Variants in LRRFIP2 observed in about 807,000 individuals in gnomAD.
LRRFIP2 encodes the protein leucine-rich repeat flightless-interacting protein 2.
Under a neutral mutation model 125.9 loss-of-function variants are expected in LRRFIP2, and 109 were observed. That is an observed-to-expected ratio of 0.87 (90% CI 0.74 to 1.01). The LOEUF is 1.01. Among genes scored for constraint, LRRFIP2 ranks in the 50% least tolerant of loss-of-function variants. The probability of loss-of-function intolerance (pLI) is 0.00; values close to 1 mark genes in which losing one functional copy is unlikely to be tolerated. For missense variants in LRRFIP2, 850 were observed against 862.3 expected, an observed-to-expected ratio of 0.99 and a Z score of 0.18; for synonymous variants, 291 against 293.1, an observed-to-expected ratio of 0.99 and a Z score of 0.07.
chr3:37,150,612 T>G (rs557417603), intron 1 of LRRFIP2, among the ~76,000 whole-genome samples: 1 of 152,302 alleles, frequency 6.6e-6, no homozygotes, highest in Admixed American at 6.5e-5. Flanking sequence ...GTATTTGAGA[T>G]TAAAGATTAC....
intron 1 of LRRFIP2, among the ~76,000 whole-genome samples, chr3:37,162,953 T>C (rs1356263073): frequency 1.3e-5 from 2 of 152,218 alleles, no homozygotes; most frequent in East Asian, 3.9e-4. Context: ...TTTTCCTTAT[T>C]CTTGAGAGCT....
At chr3:37,093,677 T>G (rs1338100084) in intron 17 of LRRFIP2, among the ~76,000 whole-genome samples, 2 of 152,226 alleles carry the variant, frequency 1.3e-5, no homozygotes, top group East Asian at 3.8e-4. Flanking sequence ...GCAAAGCAGA[T>G]AGTATTGCTC....
At chr3:37,146,856 T>C (rs375125192) in intron 2 of LRRFIP2, among the ~76,000 whole-genome samples, 8 of 152,236 alleles carry the variant, frequency 5.3e-5, no homozygotes, top group Non-Finnish European at 8.8e-5. Context: ...AAAGTAAGAA[T>C]TGACAAATGG....
chr3:37,081,374 TCTCA>T (rs2092625980), intron 19 of LRRFIP2, among the ~76,000 whole-genome samples: 1 of 152,246 alleles, frequency 6.6e-6, no homozygotes. Context: ...CCTTCTCTAC[TCTCA>T]CTACCTGCTT....
chr3:37,165,191 C>G (rs560878505), intron 1 of LRRFIP2, among the ~76,000 whole-genome samples: 18 of 150,080 alleles, frequency 1.2e-4, no homozygotes, highest in African/African-American at 4.4e-4. Flanking sequence ...GCCGAGACTG[C>G]ACCACTGCAC....
At chr3:37,111,368 C>T (rs1173382755) in intron 8 of LRRFIP2, among the ~76,000 whole-genome samples, 2 of 152,168 alleles carry the variant, frequency 1.3e-5, no homozygotes, top group East Asian at 3.9e-4. Flanking sequence ...TCCTGGACAA[C>T]TGAATAATTA....
intron 20 of LRRFIP2, among the ~76,000 whole-genome samples, 192 bp from the exon 21 acceptor site, chr3:37,073,074 T>C (rs1336280361): frequency 6.6e-6 from 1 of 152,248 alleles, no homozygotes; most frequent in Non-Finnish European, 1.5e-5. Context: ...AAGATTCTTA[T>C]TGGCTTGCCC....
intron 2 of LRRFIP2, among the ~76,000 whole-genome samples, chr3:37,142,373 C>T (rs1429119942): frequency 6.6e-6 from 1 of 152,062 alleles, no homozygotes; most frequent in East Asian, 1.9e-4. Context: ...AACTCCGGGG[C>T]TCACACAATC....
At chr3:37,063,848 A>G in intron 23 of LRRFIP2, 57 bp from the exon 24 acceptor site, 1 of 1,353,300 alleles carries the variant, frequency 7.4e-7, no homozygotes, top group East Asian at 2.3e-5. Context: ...TACATAAACA[A>G]TTAAAAATTT....
chr3:37,165,521 C>T (rs1470460110), intron 1 of LRRFIP2, among the ~76,000 whole-genome samples: 3 of 151,968 alleles, frequency 2.0e-5, no homozygotes, highest in African/African-American at 7.3e-5. Flanking sequence ...CTTTGGGAGG[C>T]CAAGGCAGGC....
chr3:37,080,313 T>C (rs1341825075), intron 19 of LRRFIP2, among the ~76,000 whole-genome samples: 1 of 151,874 alleles, frequency 6.6e-6, no homozygotes, highest in East Asian at 1.9e-4. Context: ...GGAGAATCAC[T>C]TGAACCCGGG....
At chr3:37,098,396 T>C (rs1001366020) in intron 15 of LRRFIP2, among the ~76,000 whole-genome samples, 7 of 149,834 alleles carry the variant, frequency 4.7e-5, no homozygotes, top group Non-Finnish European at 7.5e-5. Flanking sequence ...TTCTTTTTTT[T>C]CTTTTTTTTG....
At chr3:37,079,849 C>T (rs550970326) in intron 19 of LRRFIP2, among the ~76,000 whole-genome samples, 1 of 152,210 alleles carries the variant, frequency 6.6e-6, no homozygotes, top group Non-Finnish European at 1.5e-5. Flanking sequence ...TATATGACTC[C>T]TTTCATATGA....
At chr3:37,147,703 A>G (rs1180594684) in intron 2 of LRRFIP2, among the ~76,000 whole-genome samples, 1 of 152,242 alleles carries the variant, frequency 6.6e-6, no homozygotes, top group African/African-American at 2.4e-5. Context: ...TGATATGGTA[A>G]TAATTCTCAC....
chr3:37,066,871 T>A (rs1002520565), intron 21 of LRRFIP2: 1 of 152,898 alleles, frequency 6.5e-6, no homozygotes, highest in Non-Finnish European at 1.5e-5. Context: ...AAATACCACT[T>A]AATTCAAAAT....
chr3:37,091,412 T>TTGCCAACACTTCTGCA, intron 18 of LRRFIP2, 55 bp downstream of exon 18: 3 of 1,441,352 alleles, frequency 2.1e-6, no homozygotes, highest in Non-Finnish European at 2.8e-6. Flanking sequence ...AAAGCCACCA[T>TTGCCAACACTTCTGCA]TGCCAACACT....
chr3:37,174,110 G>T (rs1229797173), intron 1 of LRRFIP2: 1 of 152,138 alleles, frequency 6.6e-6, no homozygotes. Context: ...GTAAAAAAAA[G>T]ATGCCAAAAT....
chr3:37,162,830 A>ATGTGCCTGGTCCAGGTTTTC (rs1162087156), intron 1 of LRRFIP2, among the ~76,000 whole-genome samples: 1 of 152,162 alleles, frequency 6.6e-6, no homozygotes, highest in African/African-American at 2.4e-5. Context: ...TTAACATGAG[A>ATGTGCCTGGTCCAGGTTTTC]TGTGCCTGGT....
At chr3:37,098,800 A>G (rs2093868138) in intron 15 of LRRFIP2, among the ~76,000 whole-genome samples, 1 of 152,192 alleles carries the variant, frequency 6.6e-6, no homozygotes, top group Non-Finnish European at 1.5e-5. Context: ...ATTCTTCAAG[A>G]TGAAAGAAAT....
Sources: allele counts gnomAD v4.1 joint callset (sites outside exome capture counted in the v4.1 genomes callset), GRCh38; gene constraint gnomAD v4.1.1; transcripts MANE v1.5; gene names NCBI Gene and HGNC (gene_info 2026-07-23, HGNC 2026-07-21).